SHANK2: variants seen among roughly 807,000 people sequenced by gnomAD.
SHANK2 encodes SH3 and multiple ankyrin repeat domains 2, also known as SH3 and multiple ankyrin repeat domains protein 2.
Under a neutral mutation model 133.7 loss-of-function variants are expected in SHANK2, and 43 were observed. The observed-to-expected ratio is 0.32, with a 90% CI of 0.25 to 0.41. The LOEUF is 0.41. SHANK2 is among the 10% of genes least tolerant of loss of function. The probability of loss-of-function intolerance (pLI) is 1.00; values close to 1 mark genes in which losing one functional copy is unlikely to be tolerated. For missense variants in SHANK2, 1,994 were observed against 2,235.8 expected, an observed-to-expected ratio of 0.89 and a Z score of 2.18; for synonymous variants, 1,017 against 952.8, an observed-to-expected ratio of 1.07 and a Z score of -1.24.
chr11:70,867,009 G>A (rs1291126782), intron 11 of SHANK2, among the ~76,000 whole-genome samples: 1 of 151,684 alleles, frequency 6.6e-6, no homozygotes, highest in Non-Finnish European at 1.5e-5. Flanking sequence ...GACATTCCAT[G>A]AAGCCAGGAG....
At chr11:70,737,873 A>G (rs1323579609) in intron 14 of SHANK2, among the ~76,000 whole-genome samples, 2 of 152,264 alleles carry the variant, frequency 1.3e-5, no homozygotes, top group African/African-American at 2.4e-5. Context: ...ATGAAAAAAC[A>G]CTAAGTATAT....
intron 15 of SHANK2, among the ~76,000 whole-genome samples, chr11:70,682,574 T>C (rs1271311021): frequency 1.3e-5 from 2 of 152,248 alleles, no homozygotes; most frequent in Non-Finnish European, 2.9e-5. Context: ...CTTTCTATAT[T>C]TCTGCATTCT....
chr11:71,086,666 G>A (rs1253205852), intron 8 of SHANK2, among the ~76,000 whole-genome samples: 2 of 151,412 alleles, frequency 1.3e-5, no homozygotes, highest in African/African-American at 4.9e-5. Context: ...AGAAGGATGA[G>A]ATCCTGCTAG....
intron 24 of SHANK2, among the ~76,000 whole-genome samples, chr11:70,488,660 T>G (rs1431546901): frequency 2.6e-5 from 4 of 152,272 alleles, no homozygotes; most frequent in Non-Finnish European, 5.9e-5. Context: ...AGTGAGCCCC[T>G]TCTGGGTCCC....
At chr11:71,056,331 G>A (rs2135917803) in intron 10 of SHANK2, 150 bp downstream of exon 10, 1 of 152,260 alleles carries the variant, frequency 6.6e-6, no homozygotes, top group South Asian at 2.1e-4. Context: ...ACTAAGAGAG[G>A]GAGGCACCTA....
At chr11:70,505,861 C>T (rs2059129284) in intron 17 of SHANK2, among the ~76,000 whole-genome samples, 1 of 151,944 alleles carries the variant, frequency 6.6e-6, no homozygotes, top group Non-Finnish European at 1.5e-5. Context: ...ACCATCACGG[C>T]CTTGGGCTCA....
At chr11:71,085,557 TATTA>T (rs1951369677) in intron 8 of SHANK2, among the ~76,000 whole-genome samples, 1 of 79,264 alleles carries the variant, frequency 1.3e-5, no homozygotes, top group Non-Finnish European at 2.3e-5. Context: ...TAACATATTA[TATTA>T]TATAAAATAT....
intron 14 of SHANK2, among the ~76,000 whole-genome samples, chr11:70,709,307 G>C (rs1343724329): frequency 2.0e-5 from 3 of 152,250 alleles, no homozygotes; most frequent in Non-Finnish European, 4.4e-5. Context: ...AGTCACATCA[G>C]CTAAAGCCCT....
At chr11:71,210,625 C>T (rs1954254560) in intron 2 of SHANK2, among the ~76,000 whole-genome samples, 1 of 152,150 alleles carries the variant, frequency 6.6e-6, no homozygotes, top group African/African-American at 2.4e-5. Context: ...TACTGGCAGA[C>T]TGTTCCACAA....
chr11:70,498,603 A>G (rs1209369546), intron 21 of SHANK2, among the ~76,000 whole-genome samples: 1 of 152,238 alleles, frequency 6.6e-6, no homozygotes, highest in Non-Finnish European at 1.5e-5. Context: ...CTCAGAGAAC[A>G]CTTAAAGACT....
chr11:70,517,413 G>A (rs1157725127), intron 17 of SHANK2, among the ~76,000 whole-genome samples: 2 of 152,168 alleles, frequency 1.3e-5, no homozygotes, highest in African/African-American at 4.8e-5. Flanking sequence ...CCTGTATGCC[G>A]AGGTTTAGAG....
intron 21 of SHANK2, among the ~76,000 whole-genome samples, chr11:70,496,179 T>C (rs1591502952): frequency 6.6e-6 from 1 of 152,180 alleles, no homozygotes; most frequent in African/African-American, 2.4e-5. Flanking sequence ...CTGTTGGCCA[T>C]GTCTGGGCAC....
intron 2 of SHANK2, among the ~76,000 whole-genome samples, chr11:71,191,522 A>G (rs187153624): frequency 1.4e-4 from 21 of 152,072 alleles, no homozygotes; most frequent in Non-Finnish European, 2.5e-4. Context: ...ACGCATCCAC[A>G]GGGTCATCTG....
chr11:70,585,556 CAT>C (rs2060237902), intron 17 of SHANK2, among the ~76,000 whole-genome samples: 1 of 152,180 alleles, frequency 6.6e-6, no homozygotes, highest in Non-Finnish European at 1.5e-5. Flanking sequence ...TCCAGACATC[CAT>C]TCATCCATCC....
At chr11:71,096,622 C>T (rs1253634525) in intron 6 of SHANK2, among the ~76,000 whole-genome samples, 1 of 152,082 alleles carries the variant, frequency 6.6e-6, no homozygotes, top group Non-Finnish European at 1.5e-5. Flanking sequence ...CTGGGGCTGT[C>T]GGGAGCCACC....
At chr11:71,170,081 G>C (rs924454813) in intron 2 of SHANK2, among the ~76,000 whole-genome samples, 3 of 152,056 alleles carry the variant, frequency 2.0e-5, no homozygotes, top group Admixed American at 1.3e-4. Context: ...AGTTAATTTG[G>C]AATATTTTAG....
At chr11:70,833,256 G>A (rs886173043) in intron 11 of SHANK2, among the ~76,000 whole-genome samples, 1 of 152,264 alleles carries the variant, frequency 6.6e-6, no homozygotes, top group African/African-American at 2.4e-5. Flanking sequence ...CAGCCCACCT[G>A]TGGCTAGACG....
rs781794900 is a variant in SHANK2 at position 70,486,879 on chromosome 11, A to G, written c.3414T>C (p.Ala1138=). ...EEGDFADEDS[A]EQLSSPMPSA... ...TCGGCATGGGGGATGACAGCTGCTC[A>G]GCGCTGTCCTCGTCAGCAAAATCCC... The change falls in exon 25 of 26, where the codon GCT becomes GCC. Residue 1138 remains alanine, a synonymous_variant. Transcript: ENST00000601538. The surrounding 1 kb of genome is among the most constrained non-coding windows in gnomAD (Gnocchi z 8.0). The G allele has an allele frequency of 1.2e-6, 2 of 1,612,738 alleles. No homozygotes were observed. Among genetic ancestry groups the G allele is most frequent in the African/African-American group, 1.3e-5 (1 of 75,048 alleles).
intron 11 of SHANK2, chr11:70,826,759 C>CATCTT: frequency 3.3e-6 from 1 of 304,442 alleles, no homozygotes; most frequent in Non-Finnish European, 6.6e-6. Flanking sequence ...AACCCGGCTA[C>CATCTT]CTCTCGCGGC....
Sources: gnomAD v4.1 joint callset for allele counts (sites outside exome capture counted in the v4.1 genomes callset) on GRCh38, gnomAD v4.1.1 for gene constraint, Gnocchi (gnomAD v3.1) non-coding constraint, MANE v1.5 for transcripts, NCBI Gene and HGNC (gene_info 2026-07-23, HGNC 2026-07-21) for gene names.